The following MGAT5B variants were observed in gnomAD, a reference collection of about 807,000 sequenced individuals.
MGAT5B encodes N-acetylglucosaminyl-transferase Vb.
A neutral mutation model predicts 95.1 loss-of-function variants in MGAT5B; 54 were observed. The observed-to-expected ratio is 0.57, with a 90% CI of 0.46 to 0.71. MGAT5B has a LOEUF of 0.71. Ranked by LOEUF, MGAT5B falls within the 30% of genes least tolerant of loss-of-function variation. The pLI, the probability that MGAT5B is intolerant of heterozygous loss-of-function variation, is 0.00. For synonymous variants in MGAT5B, 464 were observed against 451.0 expected (o/e 1.03, Z -0.36); for missense variants, 935 against 1,088.6 (o/e 0.86, Z 1.99).
Position 76,938,282 on chromosome 17 carries a change from T to G in MGAT5B, c.1584+139T>G. ...ATGCTCTGCTGCCCTGAGCCCCACA[T>G]CTGGCCAGAGCCCAGGGGCAGAGAT... On this transcript the variant is annotated intron_variant, in intron 13 of 17. Transcript: ENST00000569840. The surrounding 1 kb of genome is among the most constrained non-coding windows in gnomAD (Gnocchi z 4.3). 2 of 1,191,782 alleles carry G rather than the reference T, an allele frequency of 1.7e-6. No individual in the cohort carries two copies. The highest frequency in any genetic ancestry group is 2.3e-6 in the Non-Finnish European group (2 of 855,376). The allele number at this position is 1,191,782 out of a possible 1,614,324, so 73.8% of individuals were successfully genotyped here.
At chr17:76,921,557 G>A (rs1969124835) in intron 8 of MGAT5B, among the ~76,000 whole-genome samples, 2 of 152,096 alleles carry the variant, frequency 1.3e-5, no homozygotes, top group Admixed American at 6.5e-5. Context: ...GGGGCTCAGC[G>A]GGGGTCCACC....
At chr17:76,935,801 T>A (rs966688757) in intron 12 of MGAT5B, among the ~76,000 whole-genome samples, 1 of 142,800 alleles carries the variant, frequency 7.0e-6, no homozygotes, top group Admixed American at 7.3e-5. Context: ...CATATATATA[T>A]TATATATATT....
In MGAT5B at chr17:76,882,051, G is replaced by GT. The variant is rs397831454; in HGVS notation, c.182-100_182-99insT. 15 of 1,323,712 alleles carry GT rather than the reference G, an allele frequency of 1.1e-5. 1 individual carries two copies. The Admixed American group carries it at 1.8e-4, about 16-fold the overall frequency. 82.0% of individuals were successfully genotyped at this position (1,323,712 alleles called of 1,614,324 possible). On this transcript the variant is annotated intron_variant, in intron 2 of 17. Coordinates refer to ENST00000569840, the MANE Select transcript of MGAT5B (RefSeq NM_001199172.2). ...GGTCTGGTGTTGGTTGGTGCTGGGG[G>GT]ACTTTGGGGCCAGCTTTGTCTGAGC... is the stretch of plus-strand genomic sequence containing the variant.
intron 12 of MGAT5B, among the ~76,000 whole-genome samples, chr17:76,934,552 C>T (rs1024546675): frequency 7.2e-5 from 11 of 152,134 alleles, no homozygotes; most frequent in African/African-American, 2.7e-4. Flanking sequence ...ATGCCGATTG[C>T]CACAGCTGCA....
Position 76,903,290 on chromosome 17 carries a change from C to A in MGAT5B, c.446-13C>A, listed in dbSNP as rs1049724631. On this transcript the variant is annotated splice_polypyrimidine_tract_variant and intron_variant, in intron 4 of 17. Transcript: ENST00000569840. ...TGGACCAGGGACTTCAGCAAGGTGA[C>A]CTCTCCCTACAGTGTCAGAAGGCCG... The A allele has an allele frequency of 5.0e-6, 8 of 1,605,208 alleles. No individual in the cohort carries two copies. Among genetic ancestry groups the A allele is most frequent in the Non-Finnish European group, 6.8e-6 (8 of 1,175,562 alleles).
rs776689981 is a variant in MGAT5B, at chr17:76,932,653, C to G, written c.1300C>G (p.Pro434Ala). Residue 434 changes from proline to alanine, a missense_variant, in exon 11 of 18, where the codon CCC (proline) becomes GCC (alanine). Pro to Ala is a conservative substitution (Grantham distance 27). This residue lies in a region of MGAT5B where 440 missense variants were observed against 523.6 expected (regional missense o/e 0.84). Transcript: ENST00000569840. ...GCGTGCTCGGGCTGCAGCTCATACC[C>G]CCGACAACTCCTTCATGGGCTTCGT... Reference protein sequence around the residue: ...KQFMTMFPHTPDNSFMGFVSE... With the variant: ...KQFMTMFPHTADNSFMGFVSE... 1.9e-6 allele frequency: 3 copies of G among 1,613,868 alleles called. No individual in the cohort carries two copies. Among genetic ancestry groups the G allele is most frequent in the South Asian group, 1.1e-5 (1 of 91,082 alleles).
At chr17:76,919,576 C>T (rs893916441) in intron 8 of MGAT5B, among the ~76,000 whole-genome samples, 1 of 152,160 alleles carries the variant, frequency 6.6e-6, no homozygotes, top group African/African-American at 2.4e-5. Flanking sequence ...ATGACAGGTG[C>T]ATGCCACCAT....
chr17:76,869,176 C>G lies in MGAT5B; in HGVS notation c.68+79C>G. 7.7e-7 allele frequency: 1 copy of G among 1,295,410 alleles called. No individual in the cohort carries two copies. 80.2% of individuals were successfully genotyped at this position (1,295,410 alleles called of 1,614,324 possible). ...GGCGAGGTCGGTTCCTGCGAACGTT[C>G]AAGTCCTGGTGGCAGAGGGGGCGGT... is the stretch of plus-strand genomic sequence containing the variant. On this transcript the variant is annotated intron_variant, in intron 1 of 17. Coordinates refer to ENST00000569840, the MANE Select transcript of MGAT5B (RefSeq NM_001199172.2). The surrounding 1 kb of genome is among the most constrained non-coding windows in gnomAD (Gnocchi z 7.0).
chr17:76,913,955 A>G (rs1227148483), intron 8 of MGAT5B: 1 of 351,038 alleles, frequency 2.8e-6, no homozygotes, highest in East Asian at 7.4e-5. Flanking sequence ...TACCAAAAAC[A>G]AAAAAATTAG....
At chr17:76,893,672 A>G (rs1170187649) in intron 3 of MGAT5B, among the ~76,000 whole-genome samples, 1 of 152,098 alleles carries the variant, frequency 6.6e-6, no homozygotes, top group Non-Finnish European at 1.5e-5. Context: ...GTACCCTGGT[A>G]ATGGATTCTT....
Position 76,924,992 on chromosome 17 carries a change from G to T in MGAT5B, c.1052G>T (p.Gly351Val). The change falls in exon 9 of 18, where the codon GGA becomes GTA. Residue 351 changes from glycine (G) to valine (V), a missense_variant. Physicochemically the swap from Gly to Val is moderately radical, Grantham distance 109. Around this residue, in one of 4 missense-constraint regions of MGAT5B, gnomAD observed 243 missense variants for 305.5 expected, o/e 0.80. Transcript: ENST00000569840. ...QSNLGVPPGR[G>V]SCPLTMPLPF... ...AACTTAGGGGTACCGCCAGGCCGGGGAAGCTGCCCGCTCACCATGCCCCTG... is the reference window on the plus strand; with the variant it reads ...AACTTAGGGGTACCGCCAGGCCGGGTAAGCTGCCCGCTCACCATGCCCCTG... The T allele has an allele frequency of 6.2e-7, 1 of 1,611,996 alleles. No homozygotes were observed. The highest frequency in any genetic ancestry group is 2.2e-5 in the East Asian group (1 of 44,740).
intron 10 of MGAT5B, among the ~76,000 whole-genome samples, chr17:76,929,716 A>G (rs1411917254): frequency 6.6e-6 from 1 of 152,222 alleles, no homozygotes; most frequent in Non-Finnish European, 1.5e-5. Context: ...AGTCATGAGC[A>G]GGCCTGTTCC....
intron 8 of MGAT5B, chr17:76,913,766 T>G: frequency 2.1e-6 from 1 of 480,922 alleles, no homozygotes; most frequent in Non-Finnish European, 4.2e-6. Context: ...CAGCAACACA[T>G]TGCTCATTGA....
At chr17:76,899,910 A>G (rs977410999) in intron 3 of MGAT5B, among the ~76,000 whole-genome samples, 2 of 152,150 alleles carry the variant, frequency 1.3e-5, no homozygotes, top group Non-Finnish European at 2.9e-5. Context: ...CAATAATGAG[A>G]AAAGGTTGAT....
chr17:76,890,941 TGA>T (rs1260305159), intron 3 of MGAT5B, among the ~76,000 whole-genome samples: 2 of 147,918 alleles, frequency 1.4e-5, no homozygotes, highest in East Asian at 4.0e-4. Flanking sequence ...GGGAAGAGGC[TGA>T]GAGAGCTCTC....
At position 76,938,171 on chromosome 17, in the gene MGAT5B, C is replaced by G. The variant is rs368433827; in HGVS notation, c.1584+28C>G. 122 of 1,609,850 alleles carry G rather than the reference C, an allele frequency of 7.6e-5. No individual in the cohort carries two copies. In the African/African-American group the frequency reaches 1.5e-3, roughly 20 times the overall value. The stretch of plus-strand genomic sequence containing the variant: ...GAGCTCCCATCCCCCGCACCATTCT[C>G]ACACTTGCCGGCTGCAGACACTGAG... On this transcript the variant is annotated intron_variant, in intron 13 of 17. Coordinates refer to ENST00000569840, the MANE Select transcript of MGAT5B (RefSeq NM_001199172.2). This position sits in a 1 kb window ranked among gnomAD's most constrained non-coding sequence, Gnocchi z 4.3.
At chr17:76,894,541 T>C (rs1478392612) in intron 3 of MGAT5B, among the ~76,000 whole-genome samples, 5 of 152,206 alleles carry the variant, frequency 3.3e-5, no homozygotes, top group Admixed American at 2.6e-4. Context: ...GGCTTTATGA[T>C]GTCAGGTACC....
At chr17:76,933,367 G>A in intron 12 of MGAT5B, 70 bp downstream of exon 12, 1 of 1,579,882 alleles carries the variant, frequency 6.3e-7, no homozygotes, top group Non-Finnish European at 8.6e-7. Flanking sequence ...GCCACTCCAG[G>A]GGTCTCTCCT....
chr17:76,946,397 G>T lies in MGAT5B; in HGVS notation c.1870G>T (p.Glu624Ter). The T allele has an allele frequency of 1.9e-6, 3 of 1,607,614 alleles. No individual in the cohort carries two copies. The highest frequency in any genetic ancestry group is 2.5e-6 in the Non-Finnish European group (3 of 1,176,724). Residue 624 changes from glutamate to a stop codon, truncating the protein, a stop_gained, in exon 16 of 18, where the codon GAG becomes TAG. Transcript: ENST00000569840. LOFTEE classifies it high-confidence loss of function. Reference protein sequence around the residue: ...RTQVDPYLPYEYTCEGMLERI... With the variant: ...RTQVDPYLPY ...ACAGGTAGACCCCTACCTACCCTAC[G>T]AGTACACCTGCGAGGGGATGCTGGA...
Sources: gnomAD v4.1 joint callset for allele counts (sites outside exome capture counted in the v4.1 genomes callset) on GRCh38, gnomAD v4.1.1 for gene constraint, gnomAD v4.1.1 regional missense constraint, Gnocchi (gnomAD v3.1) non-coding constraint, MANE v1.5 for transcripts, NCBI Gene and HGNC (gene_info 2026-07-23, HGNC 2026-07-21) for gene names.